Variants in TNR observed in about 807,000 individuals in gnomAD.
TNR encodes tenascin R.
In TNR, 45 loss-of-function variants were observed where a neutral mutation model predicts 150.4. The ratio of observed to expected loss-of-function variants is 0.30; its 90% CI spans 0.24 to 0.38. The LOEUF is 0.38. TNR is among the 10% of genes least tolerant of loss of function. The pLI is 1.00. For synonymous variants in TNR, 687 were observed against 678.4 expected, an observed-to-expected ratio of 1.01 and a Z score of -0.20; for missense variants, 1,544 against 1,759.1, an observed-to-expected ratio of 0.88 and a Z score of 2.19.
At chr1:175,516,348 G>A (rs978819257) in intron 2 of TNR, among the ~76,000 whole-genome samples, 7 of 152,218 alleles carry the variant, frequency 4.6e-5, no homozygotes, top group South Asian at 2.1e-4. Flanking sequence ...TACCTGGAAG[G>A]TTAATGAATG....
chr1:175,378,178 A>G (rs1371971635), intron 9 of TNR, among the ~76,000 whole-genome samples: 5 of 152,124 alleles, frequency 3.3e-5, no homozygotes, highest in Non-Finnish European at 5.9e-5. Flanking sequence ...AAATCTTTCA[A>G]TGACTCTCTG....
In TNR at chr1:175,545,650, A is replaced by G. The variant is rs115839298; in HGVS notation, c.-164-17281T>C. ...GCACTGCTTTGATTGCCTTGCATGT[A>G]TTAATTTATTTGATCTTCAAAGCAA... is the stretch of plus-strand genomic sequence containing the variant. On this transcript the variant is annotated intron_variant, in intron 1 of 22. Coordinates refer to ENST00000367674, the MANE Select transcript of TNR (RefSeq NM_003285.3). Among the ~76,000 whole-genome samples, 1,153 of 152,294 alleles carry G rather than the reference A, an allele frequency of 7.6e-3. 13 individuals are homozygous for G. The highest frequency in any genetic ancestry group is 0.026 in the African/African-American group (1,073 of 41,540).
intron 7 of TNR, 128 bp from the exon 8 acceptor site, chr1:175,386,429 T>C (rs1404690166): frequency 9.8e-7 from 1 of 1,017,514 alleles, no homozygotes; most frequent in African/African-American, 1.6e-5. Context: ...TACTGCATTT[T>C]ACAGATGAGG....
At chr1:175,573,992 C>G (rs1341658931) in intron 1 of TNR, among the ~76,000 whole-genome samples, 1 of 152,166 alleles carries the variant, frequency 6.6e-6, no homozygotes, top group African/African-American at 2.4e-5. Context: ...GCCAAGGGGG[C>G]CCTTCCTTGG....
intron 2 of TNR, among the ~76,000 whole-genome samples, chr1:175,505,806 C>G (rs576079731): frequency 1.3e-5 from 2 of 152,202 alleles, no homozygotes; most frequent in African/African-American, 4.8e-5. Flanking sequence ...TTTGGGAGGC[C>G]GAGGTGGGTG....
chr1:175,400,089 G>T (rs1312665039), intron 4 of TNR, among the ~76,000 whole-genome samples: 5 of 152,190 alleles, frequency 3.3e-5, no homozygotes, highest in African/African-American at 1.2e-4. Context: ...CAGCTCCCTG[G>T]CCAGCCCCAG....
intron 1 of TNR, among the ~76,000 whole-genome samples, chr1:175,551,653 T>C (rs10798399): frequency 0.48 from 72,556 of 151,982 alleles, 18,092 homozygotes; most frequent in East Asian, 0.67. Context: ...TTGCTAACAA[T>C]TGTAATTAAG....
intron 1 of TNR, among the ~76,000 whole-genome samples, chr1:175,736,279 T>G (rs1469897721): frequency 1.3e-5 from 2 of 152,336 alleles, no homozygotes; most frequent in Non-Finnish European, 2.9e-5. Flanking sequence ...CCCAGCACTT[T>G]GGGAGGCCAA....
chr1:175,362,841 C>T lies in TNR; in HGVS notation c.2708-32G>A, dbSNP rs202100657. ...AAGAGAAGAATCTACAGTTAAAATTCAGCAGCCCTTTCATCCAAGCAGCCC... is the reference window on the plus strand; with the variant it reads ...AAGAGAAGAATCTACAGTTAAAATTTAGCAGCCCTTTCATCCAAGCAGCCC... On this transcript the variant is annotated intron_variant, in intron 13 of 22. Coordinates refer to ENST00000367674, the MANE Select transcript of TNR (RefSeq NM_003285.3). 1,680 of 1,612,666 alleles carry T rather than the reference C, an allele frequency of 1.0e-3. 3 individuals are homozygous for T. Among genetic ancestry groups the T allele is most frequent in the Non-Finnish European group, 1.3e-3 (1,521 of 1,178,842 alleles).
intron 2 of TNR, among the ~76,000 whole-genome samples, chr1:175,472,607 T>A (rs745841627): frequency 1.3e-5 from 2 of 152,348 alleles, no homozygotes; most frequent in Non-Finnish European, 2.9e-5. Flanking sequence ...TTTTCAGTTC[T>A]CTTATAATCG....
At position 175,481,588 on chromosome 1, in the gene TNR, C is replaced by A. The variant is rs181085560; in HGVS notation, c.-64+46681G>T. Among the ~76,000 whole-genome samples the A allele has an allele frequency of 5.9e-5, 9 of 152,150 alleles. 1 individual carries two copies. In the South Asian group the frequency reaches 1.9e-3, roughly 32 times the overall value. On this transcript the variant is annotated intron_variant, in intron 2 of 22. Transcript: ENST00000367674. ...AACACAGTAGAATGAGACACAGCCT[C>A]GGCAGAATAATCAGAGCAGAAACCT...
At chr1:175,677,577 C>A (rs1222238119) in intron 1 of TNR, among the ~76,000 whole-genome samples, 1 of 152,160 alleles carries the variant, frequency 6.6e-6, no homozygotes, top group Non-Finnish European at 1.5e-5. Context: ...TAGAAAACCT[C>A]TTAGCAATTG....
intron 2 of TNR, among the ~76,000 whole-genome samples, chr1:175,469,719 T>C (rs1319294021): frequency 6.6e-6 from 1 of 152,044 alleles, no homozygotes; most frequent in East Asian, 1.9e-4. Context: ...GACATGATTC[T>C]ATGGGAAGTG....
At chr1:175,677,726 G>T (rs74429101) in intron 1 of TNR, among the ~76,000 whole-genome samples, 1,770 of 152,160 alleles carry the variant, frequency 0.012, 37 homozygotes, top group African/African-American at 0.04. Context: ...ACCACTTCCT[G>T]GTGCAGTGAC....
At chr1:175,592,993 C>T (rs183205627) in intron 1 of TNR, among the ~76,000 whole-genome samples, 14 of 152,312 alleles carry the variant, frequency 9.2e-5, no homozygotes, top group Non-Finnish European at 1.5e-4. Context: ...CTGGAAGATA[C>T]ATCCCTGTTG....
intron 21 of TNR, among the ~76,000 whole-genome samples, chr1:175,327,432 C>T (rs529350681): frequency 5.3e-5 from 8 of 152,278 alleles, no homozygotes; most frequent in South Asian, 2.1e-4. Context: ...AGCCATCAGC[C>T]GCTCTATGTT....
intron 2 of TNR, among the ~76,000 whole-genome samples, chr1:175,418,491 A>G (rs1372916636): frequency 6.6e-6 from 1 of 152,194 alleles, no homozygotes; most frequent in African/African-American, 2.4e-5. Flanking sequence ...TGGGAGGCCA[A>G]GGCAGATGGA....
At chr1:175,366,224 T>G in intron 10 of TNR, 86 bp from the exon 11 acceptor site, 9 of 1,395,480 alleles carry the variant, frequency 6.4e-6, no homozygotes, top group Non-Finnish European at 8.7e-6. Flanking sequence ...TTCCAAGCTA[T>G]CAGCAGGCCT....
Position 175,406,611 on chromosome 1 carries a change from ACCT to A in TNR, c.101_103del (p.Glu34del), listed in dbSNP as rs1653976268. The stretch of plus-strand genomic sequence containing the variant: ...CTGTCTCTGGACCCTTTCTGTGGTG[ACCT>A]CCAGCTGACACTCTGAAGGCTTGAT... On this transcript the variant is annotated inframe_deletion, in exon 3 of 23. Transcript: ENST00000367674. The A allele has an allele frequency of 6.2e-7, 1 of 1,614,074 alleles. No homozygotes were observed. Among genetic ancestry groups the A allele is most frequent in the African/African-American group, 1.3e-5 (1 of 74,994 alleles).
Sources: gnomAD v4.1 joint callset for allele counts (sites outside exome capture counted in the v4.1 genomes callset) on GRCh38, gnomAD v4.1.1 for gene constraint, MANE v1.5 for transcripts, NCBI Gene and HGNC (gene_info 2026-07-23, HGNC 2026-07-21) for gene names.